FOXO3: variants seen among roughly 807,000 people sequenced by gnomAD.
FOXO3 encodes forkhead box protein O3.
A neutral mutation model predicts 41.9 loss-of-function variants in FOXO3; 4 were observed. That is an observed-to-expected ratio of 0.10 (90% confidence interval 0.05 to 0.22). FOXO3 has a LOEUF of 0.22. Among genes scored for constraint, FOXO3 ranks in the 10% least tolerant of loss-of-function variants. The probability of loss-of-function intolerance (pLI) is 1.00; values close to 1 mark genes in which losing one functional copy is unlikely to be tolerated. For synonymous variants in FOXO3, 318 were observed against 389.3 expected, an observed-to-expected ratio of 0.82 and a Z score of 2.16; for missense variants, 534 against 906.8, an observed-to-expected ratio of 0.59 and a Z score of 5.28.
intron 2 of FOXO3, among the ~76,000 whole-genome samples, chr6:108,666,365 T>G (rs1233288562): frequency 6.6e-6 from 1 of 152,056 alleles, no homozygotes; most frequent in African/African-American, 2.4e-5. Context: ...AGATGGAGTC[T>G]TGCTCTGTCT....
intron 1 of FOXO3, among the ~76,000 whole-genome samples, chr6:108,589,972 C>T (rs532350537): frequency 7.2e-5 from 11 of 152,216 alleles, no homozygotes; most frequent in African/African-American, 2.4e-4. Flanking sequence ...TTTTTATCCT[C>T]GATCACGTTA....
rs1777121747 is a variant in FOXO3 at position 108,603,961 on chromosome 6, G to C, written c.621+42132G>C. ...ATATCTATAGGTCCAGGAATTCCTA[G>C]AATAATTTTTTTACTATGAAATTGC... On this transcript the variant is annotated intron_variant, in intron 1 of 2. Coordinates refer to ENST00000406360, the MANE Select transcript of FOXO3 (RefSeq NM_001455.4). Among the ~76,000 whole-genome samples the C allele has an allele frequency of 2.0e-5, 3 of 152,030 alleles. No homozygotes were observed. In the South Asian group the frequency reaches 6.2e-4, roughly 32 times the overall value.
chr6:108,651,598 A>G (rs1208142784), intron 1 of FOXO3, among the ~76,000 whole-genome samples: 1 of 152,208 alleles, frequency 6.6e-6, no homozygotes, highest in Non-Finnish European at 1.5e-5. Context: ...AAAGCCAGTA[A>G]ATTTCATGTG....
chr6:108,610,206 G>T (rs549049841), intron 1 of FOXO3, among the ~76,000 whole-genome samples: 1 of 152,142 alleles, frequency 6.6e-6, no homozygotes, highest in East Asian at 1.9e-4. Context: ...GAGAGCCCTT[G>T]ATTTTTTTCC....
At chr6:108,670,975 A>G (rs1779200823) in intron 2 of FOXO3, among the ~76,000 whole-genome samples, 1 of 152,142 alleles carries the variant, frequency 6.6e-6, no homozygotes, top group Non-Finnish European at 1.5e-5. Context: ...AGAAGTGGGT[A>G]AAAAGGGTCC....
At chr6:108,611,427 A>G (rs1562243802) in intron 1 of FOXO3, among the ~76,000 whole-genome samples, 1 of 140,946 alleles carries the variant, frequency 7.1e-6, no homozygotes. Context: ...GTTTAACTTT[A>G]TAAGAAACTG....
intron 1 of FOXO3, among the ~76,000 whole-genome samples, chr6:108,628,596 G>A (rs933953513): frequency 6.6e-6 from 1 of 152,200 alleles, no homozygotes; most frequent in African/African-American, 2.4e-5. Context: ...TGAGTTTTTT[G>A]TTTGGTGGAT....
chr6:108,631,595 T>TC (rs1292157043), intron 1 of FOXO3, among the ~76,000 whole-genome samples: 1 of 152,150 alleles, frequency 6.6e-6, no homozygotes, highest in Non-Finnish European at 1.5e-5. Flanking sequence ...GGTTTTTTTT[T>TC]CTCTCTTGAC....
Position 108,647,279 on chromosome 6 carries a change from T to C in FOXO3, c.622-16176T>C, listed in dbSNP as rs538021305. The stretch of plus-strand genomic sequence containing the variant: ...GCATTAAAAATTGATTACTTGCAAG[T>C]TGTTGCTAATAGTTCCTTATTTCTG... On this transcript the variant is annotated intron_variant, in intron 1 of 2. Transcript: ENST00000406360. 1.6e-3 allele frequency among the ~76,000 whole-genome samples: 237 copies of C among 152,292 alleles called. 2 individuals are homozygous for C. The highest frequency in any genetic ancestry group is 2.4e-4 in the Non-Finnish European group (16 of 68,020).
chr6:108,607,045 A>G (rs1777223651), intron 1 of FOXO3, among the ~76,000 whole-genome samples: 2 of 152,208 alleles, frequency 1.3e-5, no homozygotes, highest in African/African-American at 4.8e-5. Flanking sequence ...GACTTGGGGA[A>G]TTTAGAACTC....
In FOXO3 at chr6:108,663,824, A is replaced by G. The variant is rs1778954287; in HGVS notation, c.991A>G (p.Thr331Ala). The G allele has an allele frequency of 3.1e-6, 5 of 1,613,930 alleles. No individual in the cohort carries two copies. In the East Asian group the frequency reaches 1.1e-4, roughly 36 times the overall value. Reference protein sequence around the residue: ...SGRLSPIMASTELDEVQDDDA... With the variant: ...SGRLSPIMASAELDEVQDDDA... Reference sequence around the variant, plus strand: ...CCGCCTGTCGCCCATCATGGCAAGCACAGAGTTGGATGAAGTCCAGGACGA... The same window carrying G: ...CCGCCTGTCGCCCATCATGGCAAGCGCAGAGTTGGATGAAGTCCAGGACGA... Residue 331 changes from threonine (T) to alanine (A), a missense_variant, in exon 2 of 3, where the codon ACA becomes GCA. Physicochemically the swap from Thr to Ala is moderately conservative, Grantham distance 58. This residue lies in a region of FOXO3 where 185 missense variants were observed against 224.9 expected (regional missense o/e 0.82). Transcript: ENST00000406360.
At chr6:108,588,617 C>T (rs1315716508) in intron 1 of FOXO3, among the ~76,000 whole-genome samples, 2 of 152,202 alleles carry the variant, frequency 1.3e-5, no homozygotes, top group Non-Finnish European at 2.9e-5. Context: ...CCCCAAAAGG[C>T]AGAGGTTAAG....
intron 1 of FOXO3, among the ~76,000 whole-genome samples, chr6:108,611,005 C>A (rs113634363): frequency 0.028 from 4,241 of 152,236 alleles, 202 homozygotes; most frequent in African/African-American, 0.095. Flanking sequence ...TCCCTCATGG[C>A]TTATTTTCAT....
chr6:108,643,980 C>A (rs1778329829), intron 1 of FOXO3, among the ~76,000 whole-genome samples: 1 of 152,196 alleles, frequency 6.6e-6, no homozygotes, highest in South Asian at 2.1e-4. Flanking sequence ...GTTCCTGTGG[C>A]CGTTGTTACC....
chr6:108,575,642 A>G (rs1488178329), intron 1 of FOXO3, among the ~76,000 whole-genome samples: 3 of 152,190 alleles, frequency 2.0e-5, no homozygotes, highest in Admixed American at 6.5e-5. Flanking sequence ...CTCATCCTTC[A>G]TACTTTTGCA....
At position 108,561,310 on chromosome 6, in the gene FOXO3, C is replaced by T. The variant is rs1436654159; in HGVS notation, c.102C>T (p.Pro34=). ...GCCGTCCGCGATCCTGTACGTGGCC[C>T]CTGCAAAGGCCGGAGCTCCAAGCGA... is the stretch of plus-strand genomic sequence containing the variant. The part of the protein sequence containing the change: ...PQSRPRSCTW[P]LQRPELQASP... The change falls in exon 1 of 3, where the codon CCC becomes CCT. Residue 34 remains proline, a synonymous_variant. Coordinates refer to ENST00000406360, the MANE Select transcript of FOXO3 (RefSeq NM_001455.4). 1.3e-6 allele frequency: 2 copies of T among 1,563,012 alleles called. No individual in the cohort carries two copies. Among genetic ancestry groups the T allele is most frequent in the East Asian group, 2.4e-5 (1 of 41,882 alleles).
intron 1 of FOXO3, among the ~76,000 whole-genome samples, chr6:108,616,261 T>C (rs547345283): frequency 6.7e-6 from 1 of 149,816 alleles, no homozygotes; most frequent in African/African-American, 2.5e-5. Context: ...GCCTCGTGGG[T>C]TCACACCATT....
chr6:108,672,695 T>C (rs1779249666), intron 2 of FOXO3, among the ~76,000 whole-genome samples: 1 of 152,116 alleles, frequency 6.6e-6, no homozygotes, highest in South Asian at 2.1e-4. Context: ...AAGGTTTGGA[T>C]GTCAGTACGT....
intron 1 of FOXO3, among the ~76,000 whole-genome samples, chr6:108,647,051 G>A (rs1778412134): frequency 6.6e-6 from 1 of 152,166 alleles, no homozygotes; most frequent in African/African-American, 2.4e-5. Flanking sequence ...TAAAAGGACA[G>A]AAAAACCACG....
Sources: gnomAD v4.1 joint callset for allele counts (sites outside exome capture counted in the v4.1 genomes callset) on GRCh38, gnomAD v4.1.1 for gene constraint, gnomAD v4.1.1 regional missense constraint, MANE v1.5 for transcripts, NCBI Gene and HGNC (gene_info 2026-07-23, HGNC 2026-07-21) for gene names.